The following MIEF2 variants were observed in gnomAD, a reference collection of about 807,000 sequenced individuals.
MIEF2 encodes the protein mitochondrial elongation factor 2.
In MIEF2, 1 loss-of-function variant was observed where a neutral mutation model predicts 7.4. The observed-to-expected ratio is 0.14, with a 90% confidence interval of 0.05 to 0.64. MIEF2 has a LOEUF of 0.64. Ranked by LOEUF, MIEF2 falls within the 30% of genes least tolerant of loss-of-function variation. The pLI is 0.85. For synonymous variants in MIEF2, 275 were observed against 290.5 expected, an observed-to-expected ratio of 0.95 and a Z score of 0.54; for missense variants, 569 against 623.9, an observed-to-expected ratio of 0.91 and a Z score of 0.94.
chr17:18,264,281 C>A lies in MIEF2; in HGVS notation c.882C>A (p.His294Gln), dbSNP rs200564412. Reference protein sequence around the residue: ...ASEELLLEVQHERLELTVAVL... With the variant: ...ASEELLLEVQQERLELTVAVL... ...AGGAGCTGCTGCTCGAGGTGCAGCA[C>A]GAACGCCTGGAGCTCACTGTGGCTG... Residue 294 changes from histidine to glutamine, a missense_variant, in exon 4 of 4, where the codon CAC becomes CAA. Coordinates refer to ENST00000323019, the MANE Select transcript of MIEF2 (RefSeq NM_139162.4). The A allele has an allele frequency of 6.2e-7, 1 of 1,606,752 alleles. No individual in the cohort carries two copies. The highest frequency in any genetic ancestry group is 8.5e-7 in the Non-Finnish European group (1 of 1,179,858).
rs770674242 is a variant in MIEF2 at position 18,264,565 on chromosome 17, A to G, written c.1166A>G (p.Asn389Ser). The G allele has an allele frequency of 4.3e-6, 7 of 1,610,846 alleles. No individual in the cohort carries two copies. In the East Asian group the frequency reaches 1.3e-4, roughly 31 times the overall value. ...GTGGTCCTGCGTCTGGGGGAGGACA[A>G]CGTGGATTGGACGGAGGAGGCCTTG... is the stretch of plus-strand genomic sequence containing the variant. ...TQVVLRLGED[N>S]VDWTEEALGE... The change falls in exon 4 of 4, where the codon AAC becomes AGC. Residue 389 changes from asparagine (N) to serine (S), a missense_variant. Coordinates refer to ENST00000323019, the MANE Select transcript of MIEF2 (RefSeq NM_139162.4).
At chr17:18,260,869 A>G (rs946411651) in intron 1 of MIEF2, 132 bp downstream of exon 1, 9 of 534,744 alleles carry the variant, frequency 1.7e-5, no homozygotes, top group Admixed American at 3.3e-5. Context: ...TTGGGGGACC[A>G]AGGGCAGCGT....
chr17:18,262,885 G>A lies in MIEF2; in HGVS notation c.147+18G>A. 6.5e-7 allele frequency: 1 copy of A among 1,531,182 alleles called. No individual in the cohort carries two copies. The highest frequency in any genetic ancestry group is 8.8e-7 in the Non-Finnish European group (1 of 1,139,064). The allele number at this position is 1,531,182 out of a possible 1,614,324, so 94.8% of individuals were successfully genotyped here. A position where few individuals can be genotyped will look rare whatever the true frequency, so the allele number is the denominator to read the frequency against. Reference sequence around the variant, plus strand: ...TGAAGCGGGTAAGGCCAAGTGGGCGGGTCATGCCTGAAGCTCCTAGAGGAG... The same window carrying A: ...TGAAGCGGGTAAGGCCAAGTGGGCGAGTCATGCCTGAAGCTCCTAGAGGAG... On this transcript the variant is annotated intron_variant, in intron 2 of 3. Coordinates refer to ENST00000323019, the MANE Select transcript of MIEF2 (RefSeq NM_139162.4).
In MIEF2 at chr17:18,264,427, G is replaced by A. The variant is rs140019061; in HGVS notation, c.1028G>A (p.Arg343Gln). The A allele has an allele frequency of 3.2e-3, 5,118 of 1,601,104 alleles. 13 individuals carry two copies. The highest frequency in any genetic ancestry group is 4.2e-3 in the Admixed American group (252 of 60,012). The change falls in exon 4 of 4, where the codon CGA (arginine) becomes CAA (glutamine). Residue 343 changes from arginine (R) to glutamine (Q), a missense_variant. Physicochemically the swap from Arg to Gln is conservative, Grantham distance 43. Coordinates refer to ENST00000323019, the MANE Select transcript of MIEF2 (RefSeq NM_139162.4). ...DLYPVEAARL[R>Q]ALDDHDAGTR... ...TATCCAGTGGAGGCTGCTAGGCTGC[G>A]AGCCCTGGACGACCATGACGCTGGG...
rs1282686664 is a variant in MIEF2, at chr17:18,264,961, T to C, written c.*197T>C. The C allele has an allele frequency of 8.1e-6, 8 of 990,448 alleles. No individual in the cohort carries two copies. In the South Asian group the frequency reaches 1.6e-4, roughly 19 times the overall value. The allele number at this position is 990,448 out of a possible 1,614,324, so 61.4% of individuals were successfully genotyped here. On this transcript the variant is annotated 3_prime_UTR_variant, in exon 4 of 4. Coordinates refer to ENST00000323019, the MANE Select transcript of MIEF2 (RefSeq NM_139162.4). ...TGAGCCCAGAGAGCTTGGGTCACTG[T>C]CACCTGAGTGCAGCTGGGCTGCCTC...
rs199876054 is a variant in MIEF2, at chr17:18,264,082, C to T, written c.683C>T (p.Thr228Met). 37 of 1,552,962 alleles carry T rather than the reference C, an allele frequency of 2.4e-5. No homozygotes were observed. Among genetic ancestry groups the T allele is most frequent in the East Asian group, 1.4e-4 (6 of 42,246 alleles). The change falls in exon 4 of 4, where the codon ACG becomes ATG. Residue 228 changes from threonine (T) to methionine (M), a missense_variant. Coordinates refer to ENST00000323019, the MANE Select transcript of MIEF2 (RefSeq NM_139162.4). Reference sequence around the variant, plus strand: ...CCTCGCTGCTGGGCCGTGCGCAGGACGCAGCTTGAGTTCTGCCCCCGTGGG... The same window carrying T: ...CCTCGCTGCTGGGCCGTGCGCAGGATGCAGCTTGAGTTCTGCCCCCGTGGG... ...RDPRCWAVRRTQLEFCPRGSS... is the reference protein window; with the variant it reads ...RDPRCWAVRRMQLEFCPRGSS...
Position 18,263,646 on chromosome 17 carries a change from C to T in MIEF2, c.311-64C>T, listed in dbSNP as rs772406749. On this transcript the variant is annotated intron_variant, in intron 3 of 3. Transcript: ENST00000323019. ...CCTGGGACATCACACAGCTAGTTCT[C>T]GGTGGCGTTTTCTTAACTAATCACA... 4.7e-5 allele frequency: 69 copies of T among 1,476,188 alleles called. No homozygotes were observed. The East Asian group carries it at 1.3e-3, about 27-fold the overall frequency. The allele number at this position is 1,476,188 out of a possible 1,614,324, so 91.4% of individuals were successfully genotyped here. A position where few individuals can be genotyped will look rare whatever the true frequency, so the allele number is the denominator to read the frequency against.
At position 18,264,371 on chromosome 17, in the gene MIEF2, G is replaced by A; in HGVS notation, c.972G>A (p.Gly324=). Residue 324 remains glycine (G), a synonymous_variant, in exon 4 of 4, where the codon GGG becomes GGA. Coordinates refer to ENST00000323019, the MANE Select transcript of MIEF2 (RefSeq NM_139162.4). ...TCCTCTTGGCCTGGCCCCTGGAGGGGCTGGCGGGGAACCTCTGGCTGCAGG... is the reference window on the plus strand; with the variant it reads ...TCCTCTTGGCCTGGCCCCTGGAGGGACTGGCGGGGAACCTCTGGCTGCAGG... ...DRLLLAWPLE[G]LAGNLWLQDL... The A allele has an allele frequency of 6.2e-7, 1 of 1,603,206 alleles. No individual in the cohort carries two copies. The highest frequency in any genetic ancestry group is 8.5e-7 in the Non-Finnish European group (1 of 1,179,798).
intron 3 of MIEF2, 138 bp downstream of exon 3, chr17:18,263,386 GGT>G: frequency 8.1e-7 from 1 of 1,241,888 alleles, no homozygotes; most frequent in Non-Finnish European, 1.2e-6. Context: ...TAATGGGGGT[GGT>G]GTTTCTTTGC....
rs979029911 is a variant in MIEF2, at chr17:18,261,441, T to C, written c.-8+704T>C. Among the ~76,000 whole-genome samples the C allele has an allele frequency of 3.3e-5, 5 of 152,204 alleles. 1 individual carries two copies. The highest frequency in any genetic ancestry group is 2.6e-4 in the Admixed American group (4 of 15,284). On this transcript the variant is annotated intron_variant, in intron 1 of 3. Coordinates refer to ENST00000323019, the MANE Select transcript of MIEF2 (RefSeq NM_139162.4). ...AACTGGGCCCCTGGCACCCACACTCTGGCAGGGCAGGTAGAAGTCCTTGGT... is the reference window on the plus strand; with the variant it reads ...AACTGGGCCCCTGGCACCCACACTCCGGCAGGGCAGGTAGAAGTCCTTGGT...
At chr17:18,261,019 C>T in intron 1 of MIEF2, 1 of 1,339,748 alleles carries the variant, frequency 7.5e-7, no homozygotes, top group South Asian at 1.3e-5. Context: ...GGAGGGAAGG[C>T]CAAACGGCCT....
chr17:18,264,500 C>A lies in MIEF2; in HGVS notation c.1101C>A (p.Cys367Ter). Residue 367 changes from cysteine to a stop codon, truncating the protein, a stop_gained, in exon 4 of 4, where the codon TGC becomes TGA. Transcript: ENST00000323019. LOFTEE classifies it low-confidence loss of function (END_TRUNC). ...TGCTGTGTGCTGTCTGCCGTGGTTGCTCGGCTCTGGGGCAGCTAGGCCGGG... is the reference window on the plus strand; with the variant it reads ...TGCTGTGTGCTGTCTGCCGTGGTTGATCGGCTCTGGGGCAGCTAGGCCGGG... ...LLLLCAVCRGCSALGQLGRGH... is the reference protein window; with the variant it reads ...LLLLCAVCRG 6.2e-7 allele frequency: 1 copy of A among 1,607,932 alleles called. No individual in the cohort carries two copies.
rs754221513 is a variant in MIEF2 at position 18,262,884 on chromosome 17, G to A, written c.147+17G>A. On this transcript the variant is annotated intron_variant, in intron 2 of 3. Transcript: ENST00000323019. ...GTGAAGCGGGTAAGGCCAAGTGGGC[G>A]GGTCATGCCTGAAGCTCCTAGAGGA... 34 of 1,530,518 alleles carry A rather than the reference G, an allele frequency of 2.2e-5. No individual in the cohort carries two copies. The highest frequency in any genetic ancestry group is 2.8e-5 in the African/African-American group (2 of 72,360). 94.8% of individuals were successfully genotyped at this position (1,530,518 alleles called of 1,614,324 possible). A position where few individuals can be genotyped will look rare whatever the true frequency, so the allele number is the denominator to read the frequency against.
chr17:18,263,402 G>C, intron 3 of MIEF2, 154 bp downstream of exon 3: 1 of 1,125,800 alleles, frequency 8.9e-7, no homozygotes, highest in Non-Finnish European at 1.3e-6. Flanking sequence ...TCTTTGCCCT[G>C]TTCCTGGAGC....
Position 18,263,913 on chromosome 17 carries a change from C to T in MIEF2, c.514C>T (p.Pro172Ser), listed in dbSNP as rs1378573829. The T allele has an allele frequency of 2.5e-6, 4 of 1,599,816 alleles. No homozygotes were observed. Among genetic ancestry groups the T allele is most frequent in the Non-Finnish European group, 3.4e-6 (4 of 1,178,454 alleles). ...CTTTCGGAGCAAGTTCCCGGAACTG[C>T]CCTTTGGGGCATTCGTGCCTGGGGG... The part of the protein sequence containing the change: ...AYFRSKFPEL[P>S]FGAFVPGGPL... Residue 172 changes from proline (P) to serine (S), a missense_variant, in exon 4 of 4, where the codon CCC becomes TCC. Coordinates refer to ENST00000323019, the MANE Select transcript of MIEF2 (RefSeq NM_139162.4).
At position 18,263,157 on chromosome 17, in the gene MIEF2, G is replaced by A; in HGVS notation, c.219G>A (p.Leu73=). ...CAGACAGCTGGAAGGAACTGAGCCTGCTCAAGGCCACACCACACCTGCAGC... is the reference window on the plus strand; with the variant it reads ...CAGACAGCTGGAAGGAACTGAGCCTACTCAAGGCCACACCACACCTGCAGC... The part of the protein sequence containing the change: ...TKADSWKELS[L]LKATPHLQPR... The change falls in exon 3 of 4, where the codon CTG becomes CTA. Residue 73 remains leucine (L), a synonymous_variant. Transcript: ENST00000323019. 2 of 1,613,614 alleles carry A rather than the reference G, an allele frequency of 1.2e-6. No homozygotes were observed. Among genetic ancestry groups the A allele is most frequent in the Non-Finnish European group, 1.7e-6 (2 of 1,180,048 alleles).
Position 18,264,882 on chromosome 17 carries a change from A to G in MIEF2, c.*118A>G. 3 of 1,442,836 alleles carry G rather than the reference A, an allele frequency of 2.1e-6. No individual in the cohort carries two copies. The highest frequency in any genetic ancestry group is 2.7e-6 in the Non-Finnish European group (3 of 1,096,016). The allele number at this position is 1,442,836 out of a possible 1,614,324, so 89.4% of individuals were successfully genotyped here. A position where few individuals can be genotyped will look rare whatever the true frequency, so the allele number is the denominator to read the frequency against. On this transcript the variant is annotated 3_prime_UTR_variant, in exon 4 of 4. Transcript: ENST00000323019. Reference sequence around the variant, plus strand: ...TTTTTGCCAGAACAAAGGAGGGTACATTACTTAAACCCAGGGCATCAGGAT... The same window carrying G: ...TTTTTGCCAGAACAAAGGAGGGTACGTTACTTAAACCCAGGGCATCAGGAT...
rs950369109 is a variant in MIEF2 at position 18,263,317 on chromosome 17, G to A, written c.310+69G>A. On this transcript the variant is annotated intron_variant, in intron 3 of 3. Transcript: ENST00000323019. ...ACGCAGCCCAGGCTTTGCCCTGACT[G>A]ACTGTGTGACCCTGCGCGAGTCCCT... 2.5e-6 allele frequency: 4 copies of A among 1,593,040 alleles called. No individual in the cohort carries two copies. The African/African-American group carries it at 5.4e-5, about 21-fold the overall frequency.
intron 1 of MIEF2, among the ~76,000 whole-genome samples, chr17:18,261,545 T>A (rs1044389352): frequency 6.6e-6 from 1 of 152,166 alleles, no homozygotes; most frequent in African/African-American, 2.4e-5. Context: ...ACTGATGTCC[T>A]AAGGTCCCAG....
Sources: allele counts gnomAD v4.1 joint callset (sites outside exome capture counted in the v4.1 genomes callset), GRCh38; gene constraint gnomAD v4.1.1; transcripts MANE v1.5; gene names NCBI Gene and HGNC (gene_info 2026-07-23, HGNC 2026-07-21).